RAP1GAP2: variants seen among roughly 807,000 people sequenced by gnomAD.
RAP1GAP2 encodes the protein rap1 GTPase-activating protein 2.
A neutral mutation model predicts 95.0 loss-of-function variants in RAP1GAP2; 27 were observed. That is an observed-to-expected ratio of 0.28 (90% confidence interval 0.21 to 0.39). The LOEUF (loss-of-function observed/expected upper bound fraction) is 0.39. Among genes scored for constraint, RAP1GAP2 ranks in the 10% least tolerant of loss-of-function variants. RAP1GAP2 has a pLI of 1.00. For synonymous variants in RAP1GAP2, 373 were observed against 380.9 expected (o/e 0.98, Z 0.24); for missense variants, 771 against 970.0 (o/e 0.79, Z 2.72).
In RAP1GAP2 at chr17:2,965,829, C is replaced by G. The variant is rs576175328; in HGVS notation, c.596+186C>G. 1.7e-5 allele frequency: 10 copies of G among 588,906 alleles called. No homozygotes were observed. Among genetic ancestry groups the G allele is most frequent in the African/African-American group, 1.5e-4 (8 of 53,698 alleles). 36.5% of individuals were successfully genotyped at this position (588,906 alleles called of 1,614,324 possible). The stretch of plus-strand genomic sequence containing the variant: ...AAGTTGCCTAGCAGGGAGACCCACG[C>G]GCTCCACCAGTTAGCTGACAGTCAG... On this transcript the variant is annotated intron_variant, in intron 8 of 24. Coordinates refer to ENST00000254695, the MANE Select transcript of RAP1GAP2 (RefSeq NM_015085.5). The surrounding 1 kb of genome is among the most constrained non-coding windows in gnomAD (Gnocchi z 4.7).
chr17:2,999,766 GC>G (rs1223931703), intron 14 of RAP1GAP2, among the ~76,000 whole-genome samples: 1 of 149,880 alleles, frequency 6.7e-6, no homozygotes, highest in East Asian at 1.9e-4. Flanking sequence ...GGGCAACATA[GC>G]GAGACCCTGT....
chr17:2,844,002 G>A (rs1038439585), intron 2 of RAP1GAP2, among the ~76,000 whole-genome samples: 4 of 152,026 alleles, frequency 2.6e-5, no homozygotes, highest in South Asian at 2.1e-4. Context: ...TGGCCGGCGC[G>A]CTTTTTTTTA....
Position 2,789,607 on chromosome 17 carries a change from TAAA to T in RAP1GAP2, c.-13-10887_-13-10885del, listed in dbSNP as rs546111176. Among the ~76,000 whole-genome samples the T allele has an allele frequency of 3.0e-3, 225 of 74,834 alleles. 1 individual carries two copies. The highest frequency in any genetic ancestry group is 0.011 in the African/African-American group (195 of 18,118). The allele number at this position is 74,834 out of a possible 152,430, so 49.1% of individuals were successfully genotyped here. On this transcript the variant is annotated intron_variant, in intron 1 of 24. Transcript: ENST00000540393. ...GAAACGACTCACAGACAGTCTCTAC[TAAA>T]AAAAAAAAAAAAAAAAAAAACATTA...
intron 1 of RAP1GAP2, among the ~76,000 whole-genome samples, chr17:2,761,451 G>A (rs914666780): frequency 9.9e-5 from 15 of 151,332 alleles, no homozygotes; most frequent in Non-Finnish European, 1.8e-4. Context: ...ACCACTCCCA[G>A]CTAATTTTGT....
chr17:2,791,336 C>T lies in RAP1GAP2; in HGVS notation c.-13-9179C>T, dbSNP rs551889200. On this transcript the variant is annotated intron_variant, in intron 1 of 24. Coordinates refer to the RAP1GAP2 transcript ENST00000540393. ...ACCTACAGCCCTTGTGAACTGTGAC[C>T]CACAGCAGGCTCTGGGAAGCGTTTT... 7.2e-5 allele frequency among the ~76,000 whole-genome samples: 11 copies of T among 152,254 alleles called. No individual in the cohort carries two copies. In the South Asian group the frequency reaches 2.3e-3, roughly 32 times the overall value.
rs2072669301 is a variant in RAP1GAP2 at position 2,867,633 on chromosome 17, G to A, written c.81-37651G>A. Among the ~76,000 whole-genome samples, 1 of 152,162 alleles carries A rather than the reference G, an allele frequency of 6.6e-6. No homozygotes were observed. Among genetic ancestry groups the A allele is most frequent in the Admixed American group, 6.5e-5 (1 of 15,276 alleles). ...GGATACACTGATTCATGAAGTCTAG[G>A]TCTTACGCCCACCGCTGGTTCCCGG... On this transcript the variant is annotated intron_variant, in intron 2 of 24. Coordinates refer to ENST00000254695, the MANE Select transcript of RAP1GAP2 (RefSeq NM_015085.5). The surrounding 1 kb of genome is among the most constrained non-coding windows in gnomAD (Gnocchi z 4.5).
chr17:2,842,867 G>A (rs1388691549), intron 2 of RAP1GAP2, among the ~76,000 whole-genome samples: 3 of 152,128 alleles, frequency 2.0e-5, no homozygotes, highest in Non-Finnish European at 2.9e-5. Flanking sequence ...GTTTTTCTGG[G>A]GCAGAGGAAG....
At chr17:2,908,799 C>T (rs968705627) in intron 3 of RAP1GAP2, among the ~76,000 whole-genome samples, 9 of 152,028 alleles carry the variant, frequency 5.9e-5, no homozygotes, top group Non-Finnish European at 1.0e-4. Context: ...ACTGCAACCT[C>T]GGGCTCAAGG....
intron 2 of RAP1GAP2, among the ~76,000 whole-genome samples, chr17:2,850,583 C>T (rs1376898353): frequency 6.7e-6 from 1 of 149,774 alleles, no homozygotes; most frequent in Non-Finnish European, 1.5e-5. Context: ...CCCGTCTCTA[C>T]TAAAAATACA....
chr17:2,818,295 T>G lies in RAP1GAP2; in HGVS notation c.80+17745T>G, dbSNP rs1218253766. On this transcript the variant is annotated intron_variant, in intron 2 of 24. Coordinates refer to ENST00000254695, the MANE Select transcript of RAP1GAP2 (RefSeq NM_015085.5). ...ATTTTGTGTTTTCTCTCAGCCCACT[T>G]TATTTATTTATTTATTTATTTATTT... Among the ~76,000 whole-genome samples the G allele has an allele frequency of 3.2e-4, 22 of 69,796 alleles. No homozygotes were observed. The Admixed American group carries it at 3.7e-3, about 12-fold the overall frequency. The allele number at this position is 69,796 out of a possible 152,430, so 45.8% of individuals were successfully genotyped here.
In RAP1GAP2 at chr17:2,867,870, A is replaced by G. The variant is rs1458795685; in HGVS notation, c.81-37414A>G. 6.6e-6 allele frequency among the ~76,000 whole-genome samples: 1 copy of G among 152,160 alleles called. No individual in the cohort carries two copies. Among genetic ancestry groups the G allele is most frequent in the African/African-American group, 2.4e-5 (1 of 41,456 alleles). The stretch of plus-strand genomic sequence containing the variant: ...AGCTGCTGGTACCCTCCCAGACGCA[A>G]GGAGGCTTCCTTCTGCCTTGGCTGG... On this transcript the variant is annotated intron_variant, in intron 2 of 24. Coordinates refer to ENST00000254695, the MANE Select transcript of RAP1GAP2 (RefSeq NM_015085.5). This position sits in a 1 kb window ranked among gnomAD's most constrained non-coding sequence, Gnocchi z 4.5.
chr17:2,925,226 T>C (rs1192737437), intron 3 of RAP1GAP2, among the ~76,000 whole-genome samples: 2 of 152,112 alleles, frequency 1.3e-5, no homozygotes, highest in Non-Finnish European at 2.9e-5. Flanking sequence ...ACAGAAACCT[T>C]CCTCCAAAAG....
At chr17:2,846,978 C>A (rs1567704275) in intron 2 of RAP1GAP2, among the ~76,000 whole-genome samples, 2 of 152,094 alleles carry the variant, frequency 1.3e-5, no homozygotes, top group Non-Finnish European at 2.9e-5. Context: ...TTTGAGTCAC[C>A]ACAAAAAGAT....
At chr17:2,970,209 G>T (rs1409793393) in intron 8 of RAP1GAP2, among the ~76,000 whole-genome samples, 1 of 145,444 alleles carries the variant, frequency 6.9e-6, no homozygotes, top group Non-Finnish European at 1.5e-5. Context: ...GGGATGCGCA[G>T]GTTGCAGTGA....
intron 2 of RAP1GAP2, among the ~76,000 whole-genome samples, chr17:2,771,786 G>A (rs551067354): frequency 6.6e-6 from 1 of 152,118 alleles, no homozygotes; most frequent in African/African-American, 2.4e-5. Context: ...CACTGTGCCC[G>A]GCCACATAAC....
At chr17:2,795,523 G>GC (rs368568467), upstream of RAP1GAP2, among the ~76,000 whole-genome samples, 23 of 152,156 alleles carry the variant, frequency 1.5e-4, no homozygotes, top group African/African-American at 4.6e-4. Flanking sequence ...CATGGGTACC[G>GC]CCCCCCCACC....
chr17:2,936,941 T>C (rs1319517874), intron 3 of RAP1GAP2, among the ~76,000 whole-genome samples: 1 of 152,220 alleles, frequency 6.6e-6, no homozygotes, highest in Non-Finnish European at 1.5e-5. Flanking sequence ...TCTTCAGTTA[T>C]TCATTCAGCA....
intron 14 of RAP1GAP2, among the ~76,000 whole-genome samples, chr17:2,999,372 A>G (rs917894509): frequency 6.6e-6 from 1 of 152,222 alleles, no homozygotes; most frequent in Non-Finnish European, 1.5e-5. Flanking sequence ...GATAAATGCA[A>G]AATGCTGAAT....
intron 1 of RAP1GAP2, among the ~76,000 whole-genome samples, chr17:2,761,348 G>C (rs1027834326): frequency 4.0e-5 from 6 of 149,990 alleles, no homozygotes; most frequent in Admixed American, 6.7e-5. Flanking sequence ...GAGTGCAATG[G>C]TGTGATCTCA....
Sources: gnomAD v4.1 joint callset for allele counts (sites outside exome capture counted in the v4.1 genomes callset) on GRCh38, gnomAD v4.1.1 for gene constraint, Gnocchi (gnomAD v3.1) non-coding constraint, MANE v1.5 for transcripts, NCBI Gene and HGNC (gene_info 2026-07-23, HGNC 2026-07-21) for gene names.